DGKG: variants seen among roughly 807,000 people sequenced by gnomAD.
The protein encoded by DGKG is DAG kinase gamma.
A neutral mutation model predicts 105.3 loss-of-function variants in DGKG; 78 were observed. That is an observed-to-expected ratio of 0.74 (90% confidence interval 0.62 to 0.89). DGKG has a LOEUF of 0.89. Ranked by LOEUF, DGKG falls within the 40% of genes least tolerant of loss-of-function variation. The pLI is 0.00. For synonymous variants in DGKG, 346 were observed against 367.1 expected (o/e 0.94, Z 0.66); for missense variants, 958 against 1,020.1 (o/e 0.94, Z 0.83).
At chr3:186,331,117 A>T (rs1247076734) in intron 1 of DGKG, among the ~76,000 whole-genome samples, 1 of 152,254 alleles carries the variant, frequency 6.6e-6, no homozygotes, top group Non-Finnish European at 1.5e-5. Flanking sequence ...TTAGCCAAAT[A>T]TCCTTCACAA....
chr3:186,152,563 G>A (rs1417028965), intron 24 of DGKG, among the ~76,000 whole-genome samples: 1 of 152,196 alleles, frequency 6.6e-6, no homozygotes, highest in Non-Finnish European at 1.5e-5. Context: ...CACTGTGGAA[G>A]TACTGACTGA....
At chr3:186,351,714 C>T (rs968633454) in intron 1 of DGKG, among the ~76,000 whole-genome samples, 2 of 152,172 alleles carry the variant, frequency 1.3e-5, no homozygotes, top group Non-Finnish European at 2.9e-5. Context: ...GGAGACTTGA[C>T]AAAGTTTTCA....
At position 186,148,433 on chromosome 3, in the gene DGKG, G is replaced by T. The variant is rs1715596253; in HGVS notation, c.*1657C>A. 2.0e-6 allele frequency: 2 copies of T among 985,428 alleles called. No homozygotes were observed. 61.0% of individuals were successfully genotyped at this position (985,428 alleles called of 1,614,324 possible). ...ACCAACTTCTTTTCCATTCAGGTCAGAGAGAACCTCTGGGAAGCAGCATGA... is the reference window on the plus strand; with the variant it reads ...ACCAACTTCTTTTCCATTCAGGTCATAGAGAACCTCTGGGAAGCAGCATGA... On this transcript the variant is annotated 3_prime_UTR_variant, in exon 25 of 25. Coordinates refer to ENST00000265022, the MANE Select transcript of DGKG (RefSeq NM_001346.3).
chr3:186,235,295 T>C (rs2108544655), intron 20 of DGKG, among the ~76,000 whole-genome samples: 1 of 152,322 alleles, frequency 6.6e-6, no homozygotes, highest in Non-Finnish European at 1.5e-5. Flanking sequence ...ATTTGGGGCT[T>C]TTCTGAATCC....
At chr3:186,326,077 C>T (rs545090917) in intron 1 of DGKG, among the ~76,000 whole-genome samples, 52 of 152,254 alleles carry the variant, frequency 3.4e-4, no homozygotes, top group African/African-American at 1.1e-3. Context: ...CTTCTAGGCC[C>T]TATCAAGGAC....
chr3:186,231,354 A>G lies in DGKG; in HGVS notation c.1826+11150T>C, dbSNP rs879402609. Reference sequence around the variant, plus strand: ...GAGGAGATGTGGAGTGGACAGGCCTAGGTGTGAATCGTAGCTTCTCTAGTA... The same window carrying G: ...GAGGAGATGTGGAGTGGACAGGCCTGGGTGTGAATCGTAGCTTCTCTAGTA... On this transcript the variant is annotated intron_variant, in intron 20 of 24. Coordinates refer to ENST00000265022, the MANE Select transcript of DGKG (RefSeq NM_001346.3). The surrounding 1 kb of genome is among the most constrained non-coding windows in gnomAD (Gnocchi z 4.5). 2.6e-5 allele frequency among the ~76,000 whole-genome samples: 4 copies of G among 152,168 alleles called. No individual in the cohort carries two copies. Among genetic ancestry groups the G allele is most frequent in the Non-Finnish European group, 5.9e-5 (4 of 68,012 alleles).
chr3:186,323,662 C>T (rs913135689), intron 1 of DGKG, among the ~76,000 whole-genome samples: 1 of 151,702 alleles, frequency 6.6e-6, no homozygotes, highest in Non-Finnish European at 1.5e-5. Flanking sequence ...TGTGGCCAGG[C>T]GCAGTGGCTC....
At chr3:186,228,384 A>G (rs1719957598) in intron 20 of DGKG, among the ~76,000 whole-genome samples, 1 of 152,186 alleles carries the variant, frequency 6.6e-6, no homozygotes, top group Non-Finnish European at 1.5e-5. Context: ...AGCAAGGTTC[A>G]GTATTTTAAA....
At chr3:186,299,818 T>TTTCTTTCTTTCC (rs1723806996) in intron 3 of DGKG, among the ~76,000 whole-genome samples, 1 of 109,246 alleles carries the variant, frequency 9.2e-6, no homozygotes, top group Admixed American at 9.7e-5. Context: ...TCTTTCTTTC[T>TTTCTTTCTTTCC]TTCTTTCTTT....
At chr3:186,184,241 T>C (rs759678) in intron 22 of DGKG, among the ~76,000 whole-genome samples, 29,325 of 151,782 alleles carry the variant, frequency 0.19, 4,221 homozygotes, top group African/African-American at 0.4. Context: ...AGACTTAGGG[T>C]GGTTGGGTAA....
chr3:186,283,901 C>T (rs1313638467), intron 7 of DGKG, among the ~76,000 whole-genome samples: 2 of 152,322 alleles, frequency 1.3e-5, no homozygotes, highest in Non-Finnish European at 2.9e-5. Flanking sequence ...TGGTCTGACT[C>T]AGCCCCATGC....
intron 22 of DGKG, among the ~76,000 whole-genome samples, chr3:186,171,678 A>G (rs1363251946): frequency 6.6e-6 from 1 of 152,232 alleles, no homozygotes; most frequent in Non-Finnish European, 1.5e-5. Context: ...GGTTGAAGCT[A>G]CAAATGCAGA....
chr3:186,320,447 G>C lies in DGKG; in HGVS notation c.13C>G (p.Arg5Gly). 6.2e-7 allele frequency: 1 copy of C among 1,614,110 alleles called. No individual in the cohort carries two copies. The highest frequency in any genetic ancestry group is 1.1e-5 in the South Asian group (1 of 91,078). ...TCTTCTGGAGTGAGGGAGACCCACC[G>C]TTCTTCACCCATTTTTAAACTTTAT... is the stretch of plus-strand genomic sequence containing the variant. Reference protein sequence around the residue: MGEERWVSLTPEEFD... With the variant: MGEEGWVSLTPEEFD... Residue 5 changes from arginine (R) to glycine (G), a missense_variant, in exon 2 of 25, where the codon CGG (arginine) becomes GGG (glycine). Physicochemically the swap from Arg to Gly is moderately radical, Grantham distance 125 (BLOSUM62 -2). Coordinates refer to ENST00000265022, the MANE Select transcript of DGKG (RefSeq NM_001346.3).
chr3:186,317,396 C>T (rs570286451), intron 2 of DGKG, among the ~76,000 whole-genome samples: 3 of 152,212 alleles, frequency 2.0e-5, no homozygotes, highest in Non-Finnish European at 4.4e-5. Context: ...ACTGACCCCT[C>T]ATTTCCACTC....
chr3:186,243,793 T>C (rs1184167682), intron 19 of DGKG, among the ~76,000 whole-genome samples: 1 of 152,052 alleles, frequency 6.6e-6, no homozygotes, highest in Admixed American at 6.6e-5. Context: ...ACAAACCCAT[T>C]TACTGGAATA....
chr3:186,308,716 A>G (rs1318163545), intron 2 of DGKG, among the ~76,000 whole-genome samples: 1 of 152,230 alleles, frequency 6.6e-6, no homozygotes, highest in Non-Finnish European at 1.5e-5. Flanking sequence ...TAGCTCAGTA[A>G]GAGCCAGGCA....
rs1716085467 is a variant in DGKG at position 186,157,395 on chromosome 3, A to G, written c.2277+4208T>C. ...TACTTTTAACTAGAATTCTTATGTC[A>G]TATTTATATATAGTCTATAGTCTAT... On this transcript the variant is annotated intron_variant, in intron 24 of 24. Coordinates refer to ENST00000265022, the MANE Select transcript of DGKG (RefSeq NM_001346.3). Among the ~76,000 whole-genome samples the G allele has an allele frequency of 1.3e-5, 2 of 152,086 alleles. 1 individual carries two copies. Among genetic ancestry groups the G allele is most frequent in the South Asian group, 4.1e-4 (2 of 4,830 alleles).
intron 20 of DGKG, among the ~76,000 whole-genome samples, chr3:186,235,264 G>C (rs1720361384): frequency 6.6e-6 from 1 of 152,140 alleles, no homozygotes; most frequent in Non-Finnish European, 1.5e-5. Context: ...AAAAAACACA[G>C]AAAATCCCAC....
At chr3:186,302,366 A>T (rs1003672531) in intron 3 of DGKG, among the ~76,000 whole-genome samples, 4 of 150,854 alleles carry the variant, frequency 2.7e-5, no homozygotes, top group African/African-American at 4.9e-5. Flanking sequence ...CTACTATGGG[A>T]TCCATTCAGT....
Sources: gnomAD v4.1 joint callset for allele counts (sites outside exome capture counted in the v4.1 genomes callset) on GRCh38, gnomAD v4.1.1 for gene constraint, Gnocchi (gnomAD v3.1) non-coding constraint, MANE v1.5 for transcripts, NCBI Gene and HGNC (gene_info 2026-07-23, HGNC 2026-07-21) for gene names.